The following PDPK1 variants were observed in gnomAD, a reference collection of about 807,000 sequenced individuals.
The protein encoded by PDPK1 is 3-phosphoinositide-dependent protein kinase 1.
A neutral mutation model predicts 39.8 loss-of-function variants in PDPK1; 7 were observed. That is an observed-to-expected ratio of 0.18 (90% CI 0.10 to 0.33). The LOEUF is 0.33. Ranked by LOEUF, PDPK1 falls within the 10% of genes least tolerant of loss-of-function variation. The pLI is 1.00. For synonymous variants in PDPK1, 118 were observed against 159.1 expected (o/e 0.74, Z 1.95); for missense variants, 182 against 384.7 (o/e 0.47, Z 4.41).
chr16:2,591,845 T>C (rs2142001417), intron 11 of PDPK1, among the ~76,000 whole-genome samples: 1 of 152,400 alleles, frequency 6.6e-6, no homozygotes, highest in African/African-American at 2.4e-5. Flanking sequence ...TGTATTTTAA[T>C]GAATTAAACA....
At chr16:2,587,402 G>T (rs1220449847) in intron 11 of PDPK1, among the ~76,000 whole-genome samples, 1 of 152,178 alleles carries the variant, frequency 6.6e-6, no homozygotes, top group African/African-American at 2.4e-5. Context: ...AAACAAACTT[G>T]TGAATTTCTG....
At chr16:2,558,393 T>G (rs1214485887) in intron 2 of PDPK1, among the ~76,000 whole-genome samples, 1 of 150,164 alleles carries the variant, frequency 6.7e-6, no homozygotes, top group African/African-American at 2.5e-5. Context: ...GACCTCTTCT[T>G]ATTTCTCTGT....
rs551846124 is a variant in PDPK1, at chr16:2,594,956, C to T, written c.1344-837C>T. Among the ~76,000 whole-genome samples, 4 of 152,124 alleles carry T rather than the reference C, an allele frequency of 2.6e-5. No individual in the cohort carries two copies. In the South Asian group the frequency reaches 8.3e-4, roughly 32 times the overall value. On this transcript the variant is annotated intron_variant, in intron 11 of 13. Transcript: ENST00000342085. ...CTAACACGGTGAAACCCCGTCTCTA[C>T]TAAAGATACAAAAAAAATTAGCTGG...
rs2066882000 is a variant in PDPK1, at chr16:2,586,664, T to C, written c.1126-12T>C. On this transcript the variant is annotated splice_polypyrimidine_tract_variant and intron_variant, in intron 10 of 13. Coordinates refer to ENST00000342085, the MANE Select transcript of PDPK1 (RefSeq NM_002613.5). ...TGAAGGTGCGGTTCTCACTTTCCCT[T>C]CTTCTCTGCAGTATGACAATCTCCT... The C allele has an allele frequency of 1.2e-6, 2 of 1,612,924 alleles. No individual in the cohort carries two copies. Among genetic ancestry groups the C allele is most frequent in the Middle Eastern group, 1.7e-4 (1 of 5,776 alleles).
At chr16:2,546,238 T>G (rs2141943471) in intron 1 of PDPK1, among the ~76,000 whole-genome samples, 1 of 140,362 alleles carries the variant, frequency 7.1e-6, no homozygotes, top group South Asian at 2.3e-4. Flanking sequence ...TGCCTACCAC[T>G]GCGCCCGGCT....
At chr16:2,590,344 A>G (rs1314274819) in intron 11 of PDPK1, among the ~76,000 whole-genome samples, 2 of 152,224 alleles carry the variant, frequency 1.3e-5, no homozygotes, top group African/African-American at 4.8e-5. Flanking sequence ...CATGGCACCA[A>G]GCAGTGCCAG....
At chr16:2,551,856 G>A (rs367754858) in intron 1 of PDPK1, among the ~76,000 whole-genome samples, 2 of 151,436 alleles carry the variant, frequency 1.3e-5, no homozygotes, top group South Asian at 2.1e-4. Context: ...TAGTAGAGAC[G>A]GGGTTTCAAC....
chr16:2,601,479 C>G lies in PDPK1; in HGVS notation c.*3712C>G. Reference sequence around the variant, plus strand: ...TTCAAGCGCTTGGCAGAATCTTGTACTTCGTGTCCACAATGGTACTGAATT... The same window carrying G: ...TTCAAGCGCTTGGCAGAATCTTGTAGTTCGTGTCCACAATGGTACTGAATT... On this transcript the variant is annotated 3_prime_UTR_variant, in exon 14 of 14. Coordinates refer to ENST00000342085, the MANE Select transcript of PDPK1 (RefSeq NM_002613.5). 4.3e-6 allele frequency: 1 copy of G among 234,586 alleles called. No homozygotes were observed. The highest frequency in any genetic ancestry group is 8.5e-6 in the Non-Finnish European group (1 of 117,874). The allele number at this position is 234,586 out of a possible 1,614,324, so 14.5% of individuals were successfully genotyped here.
intron 11 of PDPK1, among the ~76,000 whole-genome samples, chr16:2,588,307 T>C (rs775180832): frequency 1.3e-5 from 2 of 152,138 alleles, no homozygotes; most frequent in East Asian, 1.9e-4. Flanking sequence ...ATGGGAGCAA[T>C]CTGAGCCGTG....
chr16:2,539,044 A>G (rs1311139551), intron 1 of PDPK1: 1 of 216,732 alleles, frequency 4.6e-6, no homozygotes, highest in Non-Finnish European at 9.4e-6. Context: ...AAAACCCAAG[A>G]AATTTAATTG....
At chr16:2,579,200 G>A (rs1287475950) in intron 7 of PDPK1, 1 of 29,696 alleles carries the variant, frequency 3.4e-5, no homozygotes, top group Non-Finnish European at 5.9e-5. Context: ...CTGGAGCAGG[G>A]GTACGGCTGG....
rs1180577867 is a variant in PDPK1, at chr16:2,593,322, G to T, written c.1344-2471G>T. 1 of 349,508 alleles carries T rather than the reference G, an allele frequency of 2.9e-6. No individual in the cohort carries two copies. The allele number at this position is 349,508 out of a possible 1,614,324, so 21.7% of individuals were successfully genotyped here. A position where few individuals can be genotyped will look rare whatever the true frequency, so the allele number is the denominator to read the frequency against. On this transcript the variant is annotated intron_variant, in intron 11 of 13. Transcript: ENST00000342085. The surrounding 1 kb of genome is among the most constrained non-coding windows in gnomAD (Gnocchi z 4.2). ...CCTCTCGTGGCACTGTGAATTTGCT[G>T]TGGGGTGCAGCTGATGGCCCATGGC...
intron 1 of PDPK1, among the ~76,000 whole-genome samples, chr16:2,553,647 T>A (rs1195072574): frequency 7.0e-6 from 1 of 142,448 alleles, no homozygotes; most frequent in Non-Finnish European, 1.5e-5. Context: ...GCCCATTTCA[T>A]TAGGGAGGAC....
chr16:2,587,423 A>T (rs1311120925), intron 11 of PDPK1, among the ~76,000 whole-genome samples: 3 of 152,208 alleles, frequency 2.0e-5, no homozygotes, highest in Admixed American at 1.3e-4. Flanking sequence ...TTTTATTCCT[A>T]TTGAGGCAGA....
chr16:2,543,613 A>G (rs1222964141), intron 1 of PDPK1, among the ~76,000 whole-genome samples: 1 of 150,380 alleles, frequency 6.6e-6, no homozygotes, highest in Non-Finnish European at 1.5e-5. Context: ...CCCTGTTCTC[A>G]GCAGTTCTTG....
At chr16:2,556,357 AT>A (rs1174100741) in intron 1 of PDPK1, among the ~76,000 whole-genome samples, 330 of 86,232 alleles carry the variant, frequency 3.8e-3, no homozygotes, top group African/African-American at 7.9e-3. Context: ...CGCCCGGCCT[AT>A]TTTTTTTTTT....
chr16:2,592,948 G>C, intron 11 of PDPK1: 1 of 456,674 alleles, frequency 2.2e-6, no homozygotes, highest in Non-Finnish European at 4.4e-6. Flanking sequence ...TTCTGTCACT[G>C]AGCCACTCTG....
rs925649995 is a variant in PDPK1, at chr16:2,593,846, G to A, written c.1344-1947G>A. 6.6e-6 allele frequency: 1 copy of A among 152,426 alleles called. No individual in the cohort carries two copies. Among genetic ancestry groups the A allele is most frequent in the Admixed American group, 6.5e-5 (1 of 15,294 alleles). The allele number at this position is 152,426 out of a possible 1,614,324, so 9.4% of individuals were successfully genotyped here. On this transcript the variant is annotated intron_variant, in intron 11 of 13. Coordinates refer to ENST00000342085, the MANE Select transcript of PDPK1 (RefSeq NM_002613.5). The surrounding 1 kb of genome is among the most constrained non-coding windows in gnomAD (Gnocchi z 4.2). The stretch of plus-strand genomic sequence containing the variant: ...TTCTGTGCTCTATGCTTTCTGTGCT[G>A]TGGTGGGTCTTCCTCATCACATGTC...
At chr16:2,584,567 C>T (rs1378034445) in intron 10 of PDPK1, among the ~76,000 whole-genome samples, 5 of 148,248 alleles carry the variant, frequency 3.4e-5, no homozygotes, top group Non-Finnish European at 6.0e-5. Flanking sequence ...AGGGTTTCGC[C>T]GTGTTGGCCA....
Sources: allele counts gnomAD v4.1 joint callset (sites outside exome capture counted in the v4.1 genomes callset), GRCh38; gene constraint gnomAD v4.1.1; non-coding constraint Gnocchi (gnomAD v3.1); transcripts MANE v1.5; gene names NCBI Gene and HGNC (gene_info 2026-07-23, HGNC 2026-07-21).